Variants in RNMT observed in about 807,000 individuals in gnomAD.
The protein encoded by RNMT is RNA guanine-7 methyltransferase.
In RNMT, 27 loss-of-function variants were observed where a neutral mutation model predicts 56.0. That is an observed-to-expected ratio of 0.48 (90% CI 0.36 to 0.67). The LOEUF (loss-of-function observed/expected upper bound fraction) is 0.67. Among genes scored for constraint, RNMT ranks in the 30% least tolerant of loss-of-function variants. The probability of loss-of-function intolerance (pLI) is 0.00; values close to 1 mark genes in which losing one functional copy is unlikely to be tolerated. For missense variants in RNMT, 519 were observed against 552.1 expected, an observed-to-expected ratio of 0.94 and a Z score of 0.60; for synonymous variants, 184 against 176.2, an observed-to-expected ratio of 1.04 and a Z score of -0.35.
chr18:13,762,015 C>T lies in RNMT; in HGVS notation c.*2036C>T, dbSNP rs1598432991. 1.3e-6 allele frequency: 2 copies of T among 1,535,964 alleles called. No homozygotes were observed. The highest frequency in any genetic ancestry group is 1.7e-6 in the Non-Finnish European group (2 of 1,146,820). On this transcript the variant is annotated 3_prime_UTR_variant, in exon 12 of 12. Coordinates refer to ENST00000383314, the MANE Select transcript of RNMT (RefSeq NM_003799.3). ...ACTCTTCCTTGACACACCTTGTCGT[C>T]TAAATGTTCGGTATTCTATTCAGGA...
intron 5 of RNMT, 66 bp from the exon 6 acceptor site, chr18:13,740,101 T>G: frequency 1.3e-4 from 120 of 933,892 alleles, no homozygotes; most frequent in Non-Finnish European, 2.0e-4. Context: ...GTTTGTCAGT[T>G]GAGATCAATG....
chr18:13,731,670 G>C lies in RNMT; in HGVS notation c.153G>C (p.Arg51Ser), dbSNP rs149130238. 1.2e-6 allele frequency: 2 copies of C among 1,614,088 alleles called. No homozygotes were observed. Among genetic ancestry groups the C allele is most frequent in the South Asian group, 2.2e-5 (2 of 91,080 alleles). Residue 51 changes from arginine to serine, a missense_variant, in exon 3 of 12, where the codon AGG (arginine) becomes AGC (serine). Transcript: ENST00000383314. ...TGLSEKTSVC[R>S]QVDIARKRKE... The stretch of plus-strand genomic sequence containing the variant: ...TTTCTGAAAAGACTTCTGTCTGTAG[G>C]CAAGTAGACATAGCAAGAAAGAGAA...
chr18:13,761,478 T>G lies in RNMT; in HGVS notation c.*1499T>G. The G allele has an allele frequency of 2.0e-6, 2 of 986,370 alleles. No individual in the cohort carries two copies. Among genetic ancestry groups the G allele is most frequent in the Non-Finnish European group, 1.2e-6 (1 of 830,556 alleles). 61.1% of individuals were successfully genotyped at this position (986,370 alleles called of 1,614,324 possible). A position where few individuals can be genotyped will look rare whatever the true frequency, so the allele number is the denominator to read the frequency against. ...GTAGGTACAGGAAAAACATCATCAT[T>G]ATTTCCTCTGTTCACATTTACTGGT... On this transcript the variant is annotated 3_prime_UTR_variant, in exon 12 of 12. Coordinates refer to ENST00000383314, the MANE Select transcript of RNMT (RefSeq NM_003799.3).
chr18:13,755,746 C>T (rs184452821), intron 11 of RNMT, among the ~76,000 whole-genome samples: 19 of 152,284 alleles, frequency 1.2e-4, no homozygotes, highest in African/African-American at 4.3e-4. Flanking sequence ...ATTACTTTTT[C>T]CCTGCAGTGG....
intron 9 of RNMT, among the ~76,000 whole-genome samples, chr18:13,749,036 G>A (rs1033754249): frequency 3.9e-5 from 6 of 152,122 alleles, no homozygotes; most frequent in African/African-American, 1.4e-4. Context: ...CGAAGATCAC[G>A]CCACTGCACT....
intron 2 of RNMT, 62 bp downstream of exon 2, chr18:13,730,817 T>TA (rs1217312150): frequency 6.6e-6 from 1 of 152,264 alleles, no homozygotes; most frequent in South Asian, 2.1e-4. Context: ...GTTTCTGTGA[T>TA]ATCTTCCACA....
chr18:13,764,517 A>G lies in RNMT; in HGVS notation c.*4538A>G, dbSNP rs1255194577. On this transcript the variant is annotated 3_prime_UTR_variant, in exon 12 of 12. Coordinates refer to ENST00000383314, the MANE Select transcript of RNMT (RefSeq NM_003799.3). Reference sequence around the variant, plus strand: ...GGATTTTCATTCTCATGGTTGTATAATATTTCATTGTGTGAATAAACCACA... The same window carrying G: ...GGATTTTCATTCTCATGGTTGTATAGTATTTCATTGTGTGAATAAACCACA... 1.3e-5 allele frequency: 2 copies of G among 152,208 alleles called. No individual in the cohort carries two copies. Among genetic ancestry groups the G allele is most frequent in the Middle Eastern group, 3.2e-3 (1 of 316 alleles). 9.4% of individuals were successfully genotyped at this position (152,208 alleles called of 1,614,324 possible). A position where few individuals can be genotyped will look rare whatever the true frequency, so the allele number is the denominator to read the frequency against.
At chr18:13,737,462 T>C (rs555204576) in intron 5 of RNMT, among the ~76,000 whole-genome samples, 59 of 152,054 alleles carry the variant, frequency 3.9e-4, no homozygotes, top group African/African-American at 1.3e-3. Flanking sequence ...AGAATCACTT[T>C]TACCTGGGAG....
intron 8 of RNMT, 29 bp from the exon 9 acceptor site, chr18:13,746,190 CT>C: frequency 8.6e-7 from 1 of 1,164,198 alleles, no homozygotes; most frequent in Non-Finnish European, 1.2e-6. Flanking sequence ...CATGTGGAAG[CT>C]TTTTCATTAA....
intron 1 of RNMT, among the ~76,000 whole-genome samples, chr18:13,729,307 G>A (rs568506345): frequency 1.3e-5 from 2 of 152,284 alleles, no homozygotes; most frequent in African/African-American, 4.8e-5. Context: ...CTGGAATGCT[G>A]TGTCATTTCT....
chr18:13,758,723 A>G (rs1034685974), intron 11 of RNMT, among the ~76,000 whole-genome samples: 2 of 152,022 alleles, frequency 1.3e-5, no homozygotes, highest in African/African-American at 4.8e-5. Flanking sequence ...TATTTTAAGA[A>G]CTTTTCCTTT....
chr18:13,742,673 T>A (rs1282447101), intron 8 of RNMT, 21 bp downstream of exon 8: 1 of 1,562,294 alleles, frequency 6.4e-7, no homozygotes, highest in East Asian at 2.3e-5. Context: ...ATTAATCTGT[T>A]CACTCTTTTC....
intron 1 of RNMT, among the ~76,000 whole-genome samples, chr18:13,728,595 C>G (rs2044014489): frequency 6.6e-6 from 1 of 152,056 alleles, no homozygotes; most frequent in Admixed American, 6.5e-5. Context: ...CTCCACCTCC[C>G]AAAGTGCTGG....
At position 13,730,048 on chromosome 18, in the gene RNMT, C is replaced by T. The variant is rs535304097; in HGVS notation, c.-171-579C>T. Among the ~76,000 whole-genome samples the T allele has an allele frequency of 1.1e-4, 16 of 152,288 alleles. No individual in the cohort carries two copies. In the East Asian group the frequency reaches 2.5e-3, roughly 24 times the overall value. On this transcript the variant is annotated intron_variant, in intron 1 of 11. Transcript: ENST00000383314. ...CAAGCAGTCTGCCCACCTCGTTCCC[C>T]CAAAGTGGTGGGATTACAGGTGTGA...
In RNMT at chr18:13,763,310, C is replaced by G. The variant is rs977362113; in HGVS notation, c.*3331C>G. 3.1e-5 allele frequency: 11 copies of G among 354,574 alleles called. No homozygotes were observed. Among genetic ancestry groups the G allele is most frequent in the African/African-American group, 2.3e-4 (11 of 47,096 alleles). 22.0% of individuals were successfully genotyped at this position (354,574 alleles called of 1,614,324 possible). A position where few individuals can be genotyped will look rare whatever the true frequency, so the allele number is the denominator to read the frequency against. On this transcript the variant is annotated 3_prime_UTR_variant, in exon 12 of 12. Transcript: ENST00000383314. ...TAGCAGATGCATACAGGACTGGATC[C>G]CAGGGCACTGTCAGTTCTTCCCTCC... is the stretch of plus-strand genomic sequence containing the variant.
chr18:13,730,441 G>A (rs2044047714), intron 1 of RNMT, 186 bp from the exon 2 acceptor site: 1 of 152,116 alleles, frequency 6.6e-6, no homozygotes, highest in Non-Finnish European at 1.5e-5. Flanking sequence ...TGTTCTTGAT[G>A]CCCTTAGTGT....
At position 13,730,743 on chromosome 18, in the gene RNMT, A is replaced by G. The variant is rs557552742; in HGVS notation, c.-55A>G. On this transcript the variant is annotated 5_prime_UTR_variant, in exon 2 of 12. Coordinates refer to ENST00000383314, the MANE Select transcript of RNMT (RefSeq NM_003799.3). Reference sequence around the variant, plus strand: ...GTGATACCAAAATCTCAGCTTCACAAAGTCATTGAAAGGTATGTAGTGTAA... The same window carrying G: ...GTGATACCAAAATCTCAGCTTCACAGAGTCATTGAAAGGTATGTAGTGTAA... 1 of 152,336 alleles carries G rather than the reference A, an allele frequency of 6.6e-6. No homozygotes were observed. The highest frequency in any genetic ancestry group is 1.5e-5 in the Non-Finnish European group (1 of 68,032). The allele number at this position is 152,336 out of a possible 1,614,324, so 9.4% of individuals were successfully genotyped here. A position where few individuals can be genotyped will look rare whatever the true frequency, so the allele number is the denominator to read the frequency against.
chr18:13,734,669 A>G, intron 4 of RNMT, 70 bp downstream of exon 4: 1 of 1,342,178 alleles, frequency 7.5e-7, no homozygotes. Context: ...TGACTTTATA[A>G]AGCTAGAGCC....
At chr18:13,750,383 A>G (rs904307316) in intron 9 of RNMT, among the ~76,000 whole-genome samples, 15 of 151,812 alleles carry the variant, frequency 9.9e-5, no homozygotes, top group Non-Finnish European at 2.1e-4. Context: ...TAAGCTTTGT[A>G]TTTATATATA....
Sources: gnomAD v4.1 joint callset for allele counts (sites outside exome capture counted in the v4.1 genomes callset) on GRCh38, gnomAD v4.1.1 for gene constraint, MANE v1.5 for transcripts, NCBI Gene and HGNC (gene_info 2026-07-23, HGNC 2026-07-21) for gene names.